Variants in KANSL1 observed in about 807,000 individuals in gnomAD.
KANSL1 encodes the protein KAT8 regulatory NSL complex subunit 1, also known as MLL1/MLL complex subunit KANSL1.
In KANSL1, 22 loss-of-function variants were observed where a neutral mutation model predicts 103.6. The observed-to-expected ratio is 0.21, with a 90% CI of 0.15 to 0.30. The LOEUF (loss-of-function observed/expected upper bound fraction) is 0.30. Ranked by LOEUF, KANSL1 falls within the 10% of genes least tolerant of loss-of-function variation. The pLI is 1.00. For synonymous variants in KANSL1, 600 were observed against 527.6 expected, an observed-to-expected ratio of 1.14 and a Z score of -1.88; for missense variants, 1,337 against 1,399.8, an observed-to-expected ratio of 0.96 and a Z score of 0.72.
chr17:46,139,749 C>A (rs907267044), intron 2 of KANSL1, among the ~76,000 whole-genome samples: 1 of 152,092 alleles, frequency 6.6e-6, no homozygotes, highest in African/African-American at 2.4e-5. Flanking sequence ...AGTTTCCGTC[C>A]CTCTCCTACA....
intron 1 of KANSL1, among the ~76,000 whole-genome samples, chr17:46,186,667 C>A (rs1224997846): frequency 6.6e-6 from 1 of 152,232 alleles, no homozygotes; most frequent in Non-Finnish European, 1.5e-5. Flanking sequence ...TTCAGTTCTC[C>A]ATGGTAACAT....
At chr17:46,060,740 T>C (rs376395758) in intron 6 of KANSL1, among the ~76,000 whole-genome samples, 6 of 152,308 alleles carry the variant, frequency 3.9e-5, no homozygotes, top group Middle Eastern at 3.4e-3. Flanking sequence ...GAATCAAAAC[T>C]AGGAGGCCTA....
At chr17:46,120,011 A>G (rs2043210534) in intron 2 of KANSL1, 1 of 152,246 alleles carries the variant, frequency 6.6e-6, no homozygotes, top group Admixed American at 6.5e-5. Flanking sequence ...ATTAAAAATT[A>G]TACTTAAAAC....
At chr17:46,052,696 A>G (rs1332238802) in intron 6 of KANSL1, among the ~76,000 whole-genome samples, 1 of 151,306 alleles carries the variant, frequency 6.6e-6, no homozygotes, top group East Asian at 1.9e-4. Context: ...TGTAATCCCA[A>G]AACTTTGAGG....
chr17:46,125,235 A>G (rs2043500184), intron 2 of KANSL1, among the ~76,000 whole-genome samples: 1 of 152,218 alleles, frequency 6.6e-6, no homozygotes, highest in Admixed American at 6.5e-5. Flanking sequence ...GACTCACTTC[A>G]TGAAGGCTCA....
intron 3 of KANSL1, among the ~76,000 whole-genome samples, chr17:46,092,564 C>T (rs1201588010): frequency 2.0e-5 from 3 of 152,066 alleles, no homozygotes; most frequent in African/African-American, 7.3e-5. Context: ...AGCATGCAGC[C>T]ATTAAAAATG....
chr17:46,172,278 A>T (rs2046326831), intron 1 of KANSL1, 46 bp from the exon 2 acceptor site: 3 of 902,322 alleles, frequency 3.3e-6, no homozygotes, highest in Non-Finnish European at 4.9e-6. Flanking sequence ...AAGCACTTTT[A>T]AAAACATGTA....
chr17:46,209,665 T>C (rs1597973896), intron 1 of KANSL1, among the ~76,000 whole-genome samples: 1 of 152,202 alleles, frequency 6.6e-6, no homozygotes. Flanking sequence ...GGCTGATTTT[T>C]GTATTTTTAG....
chr17:46,131,039 T>A (rs2043839242), intron 2 of KANSL1, among the ~76,000 whole-genome samples: 2 of 152,210 alleles, frequency 1.3e-5, no homozygotes, highest in Admixed American at 1.3e-4. Context: ...TTTGAAACCC[T>A]CTGTCCTGGT....
chr17:46,190,012 A>G (rs1490923015), intron 1 of KANSL1, among the ~76,000 whole-genome samples: 1 of 152,086 alleles, frequency 6.6e-6, no homozygotes, highest in Non-Finnish European at 1.5e-5. Flanking sequence ...ACCTTCTCAA[A>G]CAACCACAAC....
intron 2 of KANSL1, among the ~76,000 whole-genome samples, chr17:46,115,856 C>T (rs2043023309): frequency 6.6e-6 from 1 of 152,202 alleles, no homozygotes; most frequent in African/African-American, 2.4e-5. Context: ...GCTTAAGCTG[C>T]ATACAGACAT....
At chr17:46,052,964 C>CAAAAAAAAAAAAAAAAAAAAAA (rs34473927) in intron 6 of KANSL1, among the ~76,000 whole-genome samples, 3 of 33,002 alleles carry the variant, frequency 9.1e-5, no homozygotes, top group East Asian at 8.1e-4. Context: ...ATCCTGTCTC[C>CAAAAAAAAAAAAAAAAAAAAAA]AAAAAAAAAA....
intron 6 of KANSL1, among the ~76,000 whole-genome samples, chr17:46,062,128 A>AC (rs1568403531): frequency 1.5e-5 from 2 of 133,996 alleles, no homozygotes; most frequent in African/African-American, 5.1e-5. Context: ...CAAAAAAAAA[A>AC]AAAAAACATG....
At chr17:46,087,398 A>T (rs1182259148) in intron 3 of KANSL1, among the ~76,000 whole-genome samples, 1 of 152,226 alleles carries the variant, frequency 6.6e-6, no homozygotes, top group Non-Finnish European at 1.5e-5. Context: ...GGATGAAAAC[A>T]GCTAAAAAGA....
At chr17:46,045,416 T>G (rs1230183966) in intron 7 of KANSL1, 2 of 122,074 alleles carry the variant, frequency 1.6e-5, no homozygotes, top group Non-Finnish European at 2.1e-5. Flanking sequence ...GCAAATACAG[T>G]AGTTAATAGA....
chr17:46,216,844 T>G (rs1348533007), intron 1 of KANSL1, among the ~76,000 whole-genome samples: 1 of 151,762 alleles, frequency 6.6e-6, no homozygotes, highest in Non-Finnish European at 1.5e-5. Context: ...AGTGGCGCAT[T>G]CCTGTAATCC....
chr17:46,045,890 C>T (rs1403214570), intron 7 of KANSL1: 1 of 152,240 alleles, frequency 6.6e-6, no homozygotes, highest in Non-Finnish European at 1.5e-5. Flanking sequence ...AATGACTGTT[C>T]TGTTTAGCAG....
chr17:46,154,714 A>G (rs1292004001), intron 2 of KANSL1, among the ~76,000 whole-genome samples: 4 of 152,244 alleles, frequency 2.6e-5, no homozygotes, highest in African/African-American at 9.6e-5. Context: ...AGGATATTGT[A>G]TGCTTTTCTT....
intron 2 of KANSL1, among the ~76,000 whole-genome samples, chr17:46,126,174 C>T (rs1017618108): frequency 2.9e-4 from 44 of 151,992 alleles, no homozygotes; most frequent in African/African-American, 1.0e-3. Flanking sequence ...AAAAGTCGGC[C>T]GGGCACAGTG....
Sources: allele counts gnomAD v4.1 joint callset (sites outside exome capture counted in the v4.1 genomes callset), GRCh38; gene constraint gnomAD v4.1.1; transcripts MANE v1.5; gene names NCBI Gene and HGNC (gene_info 2026-07-23, HGNC 2026-07-21).